The following MATN2 variants were observed in gnomAD, a reference collection of about 807,000 sequenced individuals.
MATN2 encodes the protein matrilin 2.
In MATN2, 69 loss-of-function variants were observed where a neutral mutation model predicts 103.2. That is an observed-to-expected ratio of 0.67 (90% CI 0.55 to 0.82). MATN2 has a LOEUF of 0.82. Among genes scored for constraint, MATN2 ranks in the 40% least tolerant of loss-of-function variants. The pLI is 0.00. For synonymous variants in MATN2, 429 were observed against 450.2 expected, an observed-to-expected ratio of 0.95 and a Z score of 0.60; for missense variants, 1,023 against 1,211.5, an observed-to-expected ratio of 0.84 and a Z score of 2.31.
At chr8:97,953,252 T>C (rs1563688463) in intron 4 of MATN2, among the ~76,000 whole-genome samples, 1 of 152,110 alleles carries the variant, frequency 6.6e-6, no homozygotes, top group Non-Finnish European at 1.5e-5. Context: ...CTATTAGAAT[T>C]GGGATGTGAG....
intron 1 of MATN2, among the ~76,000 whole-genome samples, chr8:97,885,885 C>T (rs529469904): frequency 2.6e-4 from 40 of 152,284 alleles, no homozygotes; most frequent in Admixed American, 6.5e-4. Context: ...AACCCCCACC[C>T]GGAATTAGTC....
At chr8:98,025,832 C>A in intron 13 of MATN2, 1 of 378,034 alleles carries the variant, frequency 2.6e-6, no homozygotes, top group Non-Finnish European at 5.1e-6. Context: ...TCTCCACACC[C>A]AAATTGCTTA....
intron 14 of MATN2, among the ~76,000 whole-genome samples, chr8:98,028,884 G>C (rs1162121470): frequency 1.3e-5 from 2 of 152,206 alleles, no homozygotes; most frequent in African/African-American, 4.8e-5. Flanking sequence ...ACTGTGCCCA[G>C]CCGAAAACTG....
chr8:97,962,014 C>T (rs1247773484), intron 5 of MATN2, among the ~76,000 whole-genome samples: 3 of 152,240 alleles, frequency 2.0e-5, no homozygotes, highest in South Asian at 2.1e-4. Context: ...ATGGGCTCAG[C>T]GTAATTAGAC....
At chr8:97,995,940 A>G (rs1351436029) in intron 7 of MATN2, among the ~76,000 whole-genome samples, 1 of 152,212 alleles carries the variant, frequency 6.6e-6, no homozygotes, top group African/African-American at 2.4e-5. Flanking sequence ...AAGACCACAC[A>G]TGCCTGCAAT....
chr8:97,964,191 A>C (rs1213671054), intron 5 of MATN2, among the ~76,000 whole-genome samples: 1 of 152,190 alleles, frequency 6.6e-6, no homozygotes, highest in Non-Finnish European at 1.5e-5. Flanking sequence ...AGACTGTTAC[A>C]GTGAAAAGGC....
chr8:98,032,657 G>A (rs1376678808), intron 16 of MATN2, among the ~76,000 whole-genome samples: 6 of 151,802 alleles, frequency 4.0e-5, no homozygotes, highest in African/African-American at 1.2e-4. Flanking sequence ...CCAGCCTCCC[G>A]AGTAGCTGGA....
intron 1 of MATN2, among the ~76,000 whole-genome samples, chr8:97,878,561 A>G (rs1818153688): frequency 6.6e-6 from 1 of 152,036 alleles, no homozygotes; most frequent in African/African-American, 2.4e-5. Context: ...AAAAAAAAGA[A>G]GAAGAAGTCC....
chr8:97,921,087 C>G (rs1016063491), intron 2 of MATN2, among the ~76,000 whole-genome samples: 24 of 152,338 alleles, frequency 1.6e-4, no homozygotes, highest in African/African-American at 5.5e-4. Context: ...CTTCATCTTA[C>G]TAGTTTCTAC....
At chr8:97,972,102 G>A (rs1318950450) in intron 5 of MATN2, among the ~76,000 whole-genome samples, 1 of 151,762 alleles carries the variant, frequency 6.6e-6, no homozygotes, top group Non-Finnish European at 1.5e-5. Context: ...AGGCTGAGGT[G>A]GGAGAATTGA....
intron 7 of MATN2, among the ~76,000 whole-genome samples, chr8:97,996,339 AAGG>A (rs1313810234): frequency 6.6e-6 from 1 of 152,178 alleles, no homozygotes; most frequent in Non-Finnish European, 1.5e-5. Context: ...TTATCATGGG[AAGG>A]AGAAGACTGA....
At chr8:97,883,857 T>G (rs1243470473) in intron 1 of MATN2, among the ~76,000 whole-genome samples, 1 of 152,056 alleles carries the variant, frequency 6.6e-6, no homozygotes, top group Non-Finnish European at 1.5e-5. Flanking sequence ...CCTGGCCTAA[T>G]TTTTGTATTT....
intron 10 of MATN2, among the ~76,000 whole-genome samples, chr8:98,008,163 A>G (rs57866232): frequency 0.14 from 20,516 of 151,852 alleles, 1,469 homozygotes; most frequent in Middle Eastern, 0.19. Context: ...CTCACAGCAC[A>G]TGGTGAGGCT....
At chr8:97,927,853 G>C (rs2130129259) in intron 2 of MATN2, among the ~76,000 whole-genome samples, 1 of 152,278 alleles carries the variant, frequency 6.6e-6, no homozygotes, top group South Asian at 2.1e-4. Context: ...CCATAATAAA[G>C]GCCCAATCCA....
rs1426763268 is a variant in MATN2, at chr8:97,869,185, G to A, written c.-129G>A. The A allele has an allele frequency of 1.3e-5, 2 of 152,348 alleles. No homozygotes were observed. Among genetic ancestry groups the A allele is most frequent in the East Asian group, 3.9e-4 (2 of 5,168 alleles). 9.4% of individuals were successfully genotyped at this position (152,348 alleles called of 1,614,324 possible). Reference sequence around the variant, plus strand: ...GGCTCCGTCCTCGCCTCCCACGAGCGATCCCCGAGGAGAGCCGCGGCCCTC... The same window carrying A: ...GGCTCCGTCCTCGCCTCCCACGAGCAATCCCCGAGGAGAGCCGCGGCCCTC... On this transcript the variant is annotated 5_prime_UTR_variant, in exon 1 of 19. Coordinates refer to ENST00000254898, the MANE Select transcript of MATN2 (RefSeq NM_002380.5).
chr8:98,007,115 CTG>C lies in MATN2; in HGVS notation c.1341_1342del (p.Ala448ThrfsTer7). 1 of 1,610,350 alleles carries C rather than the reference CTG, an allele frequency of 6.2e-7. No individual in the cohort carries two copies. ...NGKTCSRVDH[C>X]AQQDHGCEQL... ...TGTGTGAAAATGCAGGAGTGGACCA[CTG>C]TGCACAGCAGGACCATGGCTGTGAG... On this transcript the variant is annotated frameshift_variant, in exon 9 of 19. Transcript: ENST00000254898. LOFTEE classifies it high-confidence loss of function. This position sits in a 1 kb window ranked among gnomAD's most constrained non-coding sequence, Gnocchi z 4.2.
chr8:98,004,950 G>A lies in MATN2; in HGVS notation c.1327+1167G>A, dbSNP rs182079672. Among the ~76,000 whole-genome samples the A allele has an allele frequency of 1.9e-3, 288 of 152,358 alleles. 3 individuals are homozygous for A. The highest frequency in any genetic ancestry group is 5.0e-3 in the African/African-American group (206 of 41,594). ...GATGGACCCTATGCCCTTGGCATGC[G>A]GGAGAGGGGGCCCATCTCCATGACA... is the stretch of plus-strand genomic sequence containing the variant. On this transcript the variant is annotated intron_variant, in intron 8 of 18. Coordinates refer to ENST00000254898, the MANE Select transcript of MATN2 (RefSeq NM_002380.5).
chr8:97,902,324 C>T (rs1333415480), intron 2 of MATN2, among the ~76,000 whole-genome samples: 3 of 151,142 alleles, frequency 2.0e-5, no homozygotes, highest in South Asian at 2.1e-4. Context: ...GGTGAAACCC[C>T]GTCTCTACTA....
intron 1 of MATN2, among the ~76,000 whole-genome samples, chr8:97,885,863 G>T (rs1013060717): frequency 6.6e-6 from 1 of 152,166 alleles, no homozygotes; most frequent in Non-Finnish European, 1.5e-5. Flanking sequence ...ATGAGCTAGT[G>T]CAGGGGTCCC....
Sources: allele counts gnomAD v4.1 joint callset (sites outside exome capture counted in the v4.1 genomes callset), GRCh38; gene constraint gnomAD v4.1.1; non-coding constraint Gnocchi (gnomAD v3.1); transcripts MANE v1.5; gene names NCBI Gene and HGNC (gene_info 2026-07-23, HGNC 2026-07-21).